The following POMGNT2 variants were observed in gnomAD, a reference collection of about 807,000 sequenced individuals.
POMGNT2 encodes the protein protein O-linked-mannose beta-1,4-N-acetylglucosaminyltransferase 2.
In POMGNT2, 32 loss-of-function variants were observed where a neutral mutation model predicts 37.8. The ratio of observed to expected loss-of-function variants is 0.85; its 90% CI spans 0.64 to 1.14. POMGNT2 has a LOEUF of 1.14. Ranked by LOEUF, POMGNT2 falls within the 50% of genes most tolerant of loss-of-function variation. POMGNT2 has a pLI of 0.00. For missense variants in POMGNT2, 705 were observed against 780.6 expected (o/e 0.90, Z 1.15); for synonymous variants, 340 against 336.8 (o/e 1.01, Z -0.10).
chr3:43,079,672 A>T lies in POMGNT2; in HGVS notation c.*17T>A. 6.3e-7 allele frequency: 1 copy of T among 1,595,476 alleles called. No individual in the cohort carries two copies. The highest frequency in any genetic ancestry group is 8.6e-7 in the Non-Finnish European group (1 of 1,169,268). On this transcript the variant is annotated 3_prime_UTR_variant, in exon 2 of 2. Coordinates refer to ENST00000344697, the MANE Select transcript of POMGNT2 (RefSeq NM_032806.6). ...CTGCAGGAGCCACCTTCCCGAGGCCAGGCTGTGGCCTGCTCGCTACGTGTT... is the reference window on the plus strand; with the variant it reads ...CTGCAGGAGCCACCTTCCCGAGGCCTGGCTGTGGCCTGCTCGCTACGTGTT...
chr3:43,094,149 C>A (rs2089962985), intron 1 of POMGNT2, among the ~76,000 whole-genome samples: 1 of 152,170 alleles, frequency 6.6e-6, no homozygotes, highest in Admixed American at 6.5e-5. Flanking sequence ...CCTGCCCCTC[C>A]TCCCAACAAC....
At chr3:43,095,059 G>GC (rs1408616672) in intron 1 of POMGNT2, among the ~76,000 whole-genome samples, 9 of 152,146 alleles carry the variant, frequency 5.9e-5, no homozygotes, top group Non-Finnish European at 1.3e-4. Context: ...ATCCTTCCTT[G>GC]CCCCTGCTCA....
intron 1 of POMGNT2, among the ~76,000 whole-genome samples, chr3:43,103,380 G>C (rs1324264793): frequency 6.6e-6 from 1 of 152,006 alleles, no homozygotes; most frequent in Non-Finnish European, 1.5e-5. Context: ...GCTAAACGAA[G>C]GCATTTCTTC....
chr3:43,091,390 C>G (rs1393865455), intron 1 of POMGNT2, among the ~76,000 whole-genome samples: 1 of 151,930 alleles, frequency 6.6e-6, no homozygotes, highest in African/African-American at 2.4e-5. Flanking sequence ...GAATTATAAC[C>G]CATAGAATAA....
chr3:43,104,946 T>A (rs1226967236), intron 1 of POMGNT2, among the ~76,000 whole-genome samples: 1 of 152,184 alleles, frequency 6.6e-6, no homozygotes, highest in Non-Finnish European at 1.5e-5. Context: ...GAACCAAGAT[T>A]TGAAGGCGGG....
At chr3:43,104,434 T>TG (rs2090042461) in intron 1 of POMGNT2, among the ~76,000 whole-genome samples, 1 of 152,234 alleles carries the variant, frequency 6.6e-6, no homozygotes, top group Non-Finnish European at 1.5e-5. Context: ...AGCAAGAACT[T>TG]GCCAACTAGC....
intron 1 of POMGNT2, among the ~76,000 whole-genome samples, chr3:43,101,202 A>G (rs2090016204): frequency 2.6e-5 from 4 of 152,192 alleles, no homozygotes; most frequent in Admixed American, 2.0e-4. Flanking sequence ...TATGATTCCC[A>G]TTCTGTCCTG....
intron 1 of POMGNT2, among the ~76,000 whole-genome samples, chr3:43,095,871 C>A (rs772796270): frequency 5.9e-5 from 9 of 152,186 alleles, no homozygotes; most frequent in Non-Finnish European, 1.2e-4. Flanking sequence ...CAAATAAGGG[C>A]ACGCACATCC....
In POMGNT2 at chr3:43,079,860, C is replaced by T. The variant is rs976201515; in HGVS notation, c.1572G>A (p.Val524=). ...YLKVREVKYE[V]WLQEQGENTY... ...TGTTCTCCCCCTGCTCCTGCAGCCA[C>T]ACCTCGTACTTCACCTCCCTCACCT... The change falls in exon 2 of 2, where the codon GTG becomes GTA. Residue 524 remains valine, a synonymous_variant. Coordinates refer to ENST00000344697, the MANE Select transcript of POMGNT2 (RefSeq NM_032806.6). 5 of 1,614,202 alleles carry T rather than the reference C, an allele frequency of 3.1e-6. No homozygotes were observed. The highest frequency in any genetic ancestry group is 1.1e-5 in the South Asian group (1 of 91,084).
At chr3:43,095,184 A>G (rs971608794) in intron 1 of POMGNT2, among the ~76,000 whole-genome samples, 12 of 152,202 alleles carry the variant, frequency 7.9e-5, no homozygotes, top group Admixed American at 4.6e-4. Context: ...TGCCTCTCAG[A>G]GACAAGGGCT....
At position 43,098,016 on chromosome 3, in the gene POMGNT2, G is replaced by A. The variant is rs2089992094; in HGVS notation, c.-106+7820C>T. 6.6e-6 allele frequency among the ~76,000 whole-genome samples: 1 copy of A among 152,250 alleles called. No homozygotes were observed. The highest frequency in any genetic ancestry group is 1.5e-5 in the Non-Finnish European group (1 of 68,054). On this transcript the variant is annotated intron_variant, in intron 1 of 1. Coordinates refer to ENST00000344697, the MANE Select transcript of POMGNT2 (RefSeq NM_032806.6). This position sits in a 1 kb window ranked among gnomAD's most constrained non-coding sequence, Gnocchi z 4.3. The stretch of plus-strand genomic sequence containing the variant: ...CTCCTCCACAAGAAGGGTTACAGAG[G>A]TGGAGGGACCAGACAGCCAGCACCT...
In POMGNT2 at chr3:43,081,040, T is replaced by C. The variant is rs758071125; in HGVS notation, c.392A>G (p.Asn131Ser). 7.4e-6 allele frequency: 12 copies of C among 1,614,152 alleles called. No individual in the cohort carries two copies. The highest frequency in any genetic ancestry group is 1.6e-4 in the Middle Eastern group (1 of 6,062). ...GGCAGCAGCAGGCAGCTCCACGAAG[T>C]TGAAGTACTGAGTGTTGTGGTCCTC... ...TVEDHNTQYF[N>S]FVELPAAALR... is the part of the protein sequence containing the mutation. Residue 131 changes from asparagine to serine, a missense_variant, in exon 2 of 2, where the codon AAC becomes AGC. Asn to Ser is a conservative substitution (Grantham distance 46). Transcript: ENST00000344697.
chr3:43,094,981 G>A (rs73077070), intron 1 of POMGNT2, among the ~76,000 whole-genome samples: 15,447 of 152,272 alleles, frequency 0.1, 882 homozygotes, highest in Middle Eastern at 0.16. Flanking sequence ...TGGCACCCCA[G>A]CCTGTTGAGC....
rs368787205 is a variant in POMGNT2, at chr3:43,079,839, C to T, written c.1593G>A (p.Glu531=). 7.1e-5 allele frequency: 114 copies of T among 1,614,202 alleles called. No individual in the cohort carries two copies. Among genetic ancestry groups the T allele is most frequent in the Non-Finnish European group, 9.2e-5 (108 of 1,180,040 alleles). ...CCAGGATGTAAGGCACGTAGGTGTT[C>T]TCCCCCTGCTCCTGCAGCCACACCT... ...KYEVWLQEQG[E]NTYVPYILAL... is the part of the protein sequence containing the mutation. Residue 531 remains glutamate (E), a synonymous_variant, in exon 2 of 2, where the codon GAG becomes GAA. Transcript: ENST00000344697.
chr3:43,080,461 T>G lies in POMGNT2; in HGVS notation c.971A>C (p.Glu324Ala). 6.2e-7 allele frequency: 1 copy of G among 1,614,194 alleles called. No individual in the cohort carries two copies. The highest frequency in any genetic ancestry group is 8.5e-7 in the Non-Finnish European group (1 of 1,180,034). Residue 324 changes from glutamate to alanine, a missense_variant, in exon 2 of 2, where the codon GAG becomes GCG. Coordinates refer to ENST00000344697, the MANE Select transcript of POMGNT2 (RefSeq NM_032806.6). ...FQMKTVTVSL[E>A]DHTFADVVRL... Reference sequence around the variant, plus strand: ...CACGACATCAGCAAAGGTGTGGTCCTCCAGGGACACTGTCACTGTCTTCAT... The same window carrying G: ...CACGACATCAGCAAAGGTGTGGTCCGCCAGGGACACTGTCACTGTCTTCAT...
At chr3:43,094,716 C>A (rs1407119145) in intron 1 of POMGNT2, among the ~76,000 whole-genome samples, 1 of 152,224 alleles carries the variant, frequency 6.6e-6, no homozygotes, top group Non-Finnish European at 1.5e-5. Context: ...CTCCATGCCC[C>A]ACTTCATCTG....
chr3:43,083,522 T>C (rs2089872593), intron 1 of POMGNT2, among the ~76,000 whole-genome samples: 1 of 152,238 alleles, frequency 6.6e-6, no homozygotes, highest in African/African-American at 2.4e-5. Context: ...TCCACTTTGA[T>C]TTATCAGTAG....
At chr3:43,104,539 A>G (rs1237559505) in intron 1 of POMGNT2, among the ~76,000 whole-genome samples, 1 of 152,168 alleles carries the variant, frequency 6.6e-6, no homozygotes, top group African/African-American at 2.4e-5. Context: ...CAGGGGCCCA[A>G]GGCTCAGGAA....
intron 1 of POMGNT2, among the ~76,000 whole-genome samples, chr3:43,092,061 G>A (rs2125707717): frequency 6.6e-6 from 1 of 152,232 alleles, no homozygotes; most frequent in East Asian, 1.9e-4. Context: ...TTTGCGTCCT[G>A]GACCAGAAAG....
Sources: gnomAD v4.1 joint callset for allele counts (sites outside exome capture counted in the v4.1 genomes callset) on GRCh38, gnomAD v4.1.1 for gene constraint, Gnocchi (gnomAD v3.1) non-coding constraint, MANE v1.5 for transcripts, NCBI Gene and HGNC (gene_info 2026-07-23, HGNC 2026-07-21) for gene names.